The following MINAR1 variants were observed in gnomAD, a reference collection of about 807,000 sequenced individuals.
MINAR1 encodes membrane integral NOTCH2 associated receptor 1.
Under a neutral mutation model 65.1 loss-of-function variants are expected in MINAR1, and 40 were observed. The observed-to-expected ratio is 0.61, with a 90% CI of 0.48 to 0.80. MINAR1 has a LOEUF of 0.80. MINAR1 is among the 30% of genes least tolerant of loss of function. The pLI, the probability that MINAR1 is intolerant of heterozygous loss-of-function variation, is 0.00. For missense variants in MINAR1, 1,128 were observed against 1,148.0 expected (o/e 0.98, Z 0.25); for synonymous variants, 482 against 449.1 (o/e 1.07, Z -0.93).
intron 2 of MINAR1, 79 bp downstream of exon 2, chr15:79,458,524 G>C: frequency 6.6e-7 from 1 of 1,507,240 alleles, no homozygotes; most frequent in Non-Finnish European, 8.9e-7. Context: ...TGAACATGGC[G>C]TTAAACAGGC....
intron 3 of MINAR1, among the ~76,000 whole-genome samples, chr15:79,467,742 G>A (rs17180765): frequency 0.21 from 32,639 of 152,162 alleles, 3,976 homozygotes; most frequent in Middle Eastern, 0.33. Flanking sequence ...TTCTGAGAAA[G>A]AAGAACTGAC....
chr15:79,458,913 TATAAA>T (rs1895541469), intron 2 of MINAR1, among the ~76,000 whole-genome samples: 1 of 152,176 alleles, frequency 6.6e-6, no homozygotes, highest in Non-Finnish European at 1.5e-5. Flanking sequence ...TTTTTTTCAT[TATAAA>T]ATAAATTGAT....
At position 79,468,287 on chromosome 15, in the gene MINAR1, G is replaced by T; in HGVS notation, c.2654G>T (p.Arg885Ile). 1 of 1,614,118 alleles carries T rather than the reference G, an allele frequency of 6.2e-7. No homozygotes were observed. The highest frequency in any genetic ancestry group is 8.5e-7 in the Non-Finnish European group (1 of 1,180,012). ...SLLKRKEAEF[R>I]RAKVCKIAAL... ...CTAAAACGTAAAGAAGCCGAATTCA[G>T]ACGAGCCAAGGTCTGCAAGATAGCT... The change falls in exon 4 of 4, where the codon AGA (arginine) becomes ATA (isoleucine). Residue 885 changes from arginine to isoleucine, a missense_variant. Arg to Ile is a moderately conservative substitution (Grantham distance 97). Transcript: ENST00000305428.
intron 1 of MINAR1, among the ~76,000 whole-genome samples, chr15:79,452,300 C>A (rs752201273): frequency 6.6e-6 from 1 of 151,390 alleles, no homozygotes; most frequent in Non-Finnish European, 1.5e-5. Flanking sequence ...AGCTGGGAAG[C>A]TGTGCAAGTG....
rs1042252472 is a variant in MINAR1 at position 79,471,480 on chromosome 15, A to G, written c.*3096A>G. 7 of 152,640 alleles carry G rather than the reference A, an allele frequency of 4.6e-5. No homozygotes were observed. The allele number at this position is 152,640 out of a possible 1,614,324, so 9.5% of individuals were successfully genotyped here. A position where few individuals can be genotyped will look rare whatever the true frequency, so the allele number is the denominator to read the frequency against. On this transcript the variant is annotated 3_prime_UTR_variant, in exon 4 of 4. Transcript: ENST00000305428. ...TTTATACCAGTATCCCCTTCATTAC[A>G]GTAAACTAAATCATAACTTACATCA...
rs199540002 is a variant in MINAR1, at chr15:79,453,487, C to CA, written c.-50-2608dup. 7.0e-3 allele frequency among the ~76,000 whole-genome samples: 1,070 copies of CA among 152,306 alleles called. 21 individuals carry two copies. Among genetic ancestry groups the CA allele is most frequent in the African/African-American group, 0.025 (1,027 of 41,556 alleles). ...TGCCCTACACAGTTGTTTGTGTGGT[C>CA]AAATAAGGTAGACTGCTGAGGGCTT... On this transcript the variant is annotated intron_variant, in intron 1 of 3. Transcript: ENST00000305428.
chr15:79,471,528 T>TGGA lies in MINAR1; in HGVS notation c.*3144_*3145insGGA, dbSNP rs1410477127. The TGGA allele has an allele frequency of 1.3e-5, 2 of 152,530 alleles. No homozygotes were observed. Among genetic ancestry groups the TGGA allele is most frequent in the East Asian group, 3.9e-4 (2 of 5,188 alleles). 9.4% of individuals were successfully genotyped at this position (152,530 alleles called of 1,614,324 possible). A position where few individuals can be genotyped will look rare whatever the true frequency, so the allele number is the denominator to read the frequency against. ...TCATCCATTACTAGCTGATCATAAA[T>TGGA]TGTTAGTATTTTAAGGTATGCAACT... On this transcript the variant is annotated 3_prime_UTR_variant, in exon 4 of 4. Coordinates refer to ENST00000305428, the MANE Select transcript of MINAR1 (RefSeq NM_015206.3).
intron 2 of MINAR1, among the ~76,000 whole-genome samples, chr15:79,462,546 G>C (rs1322191594): frequency 6.6e-6 from 1 of 152,180 alleles, no homozygotes; most frequent in East Asian, 1.9e-4. Flanking sequence ...TTCTGACTCA[G>C]CTTCTTCCCT....
chr15:79,437,509 G>A (rs1894640026), intron 1 of MINAR1, among the ~76,000 whole-genome samples: 1 of 150,824 alleles, frequency 6.6e-6, no homozygotes, highest in Admixed American at 6.6e-5. Flanking sequence ...TAGGTTGTGA[G>A]TGGGTAGAGG....
In MINAR1 at chr15:79,457,302, T is replaced by C. The variant is rs769231383; in HGVS notation, c.1155T>C (p.Asn385=). 3.1e-6 allele frequency: 5 copies of C among 1,614,148 alleles called. No homozygotes were observed. The highest frequency in any genetic ancestry group is 1.7e-5 in the Admixed American group (1 of 60,020). ...CTGACTTTGAACGGTCCTTTTTCAATAGAAATCCCTCCGAGGAGAAGCTAC... is the reference window on the plus strand; with the variant it reads ...CTGACTTTGAACGGTCCTTTTTCAACAGAAATCCCTCCGAGGAGAAGCTAC... ...EVPDFERSFF[N]RNPSEEKLHY... The change falls in exon 2 of 4, where the codon AAT becomes AAC. Residue 385 remains asparagine (N), a synonymous_variant. Transcript: ENST00000305428.
chr15:79,437,348 T>C (rs1257057290), intron 1 of MINAR1, among the ~76,000 whole-genome samples: 1 of 150,896 alleles, frequency 6.6e-6, no homozygotes, highest in Non-Finnish European at 1.5e-5. Context: ...GAGTAGTGAT[T>C]GAGTGTGGGT....
chr15:79,462,220 T>A (rs6495406), intron 2 of MINAR1, among the ~76,000 whole-genome samples: 32,818 of 151,980 alleles, frequency 0.22, 4,119 homozygotes, highest in Middle Eastern at 0.32. Context: ...AAGGAACTCA[T>A]AGTTTAGCAG....
At chr15:79,431,203 G>A (rs915304406), upstream of MINAR1, among the ~76,000 whole-genome samples, 1 of 152,092 alleles carries the variant, frequency 6.6e-6, no homozygotes, top group Non-Finnish European at 1.5e-5. Flanking sequence ...GTGGGGGTGG[G>A]GGTGTTGCTT....
chr15:79,459,311 C>G (rs911246542), intron 2 of MINAR1, among the ~76,000 whole-genome samples: 1 of 152,196 alleles, frequency 6.6e-6, no homozygotes, highest in Non-Finnish European at 1.5e-5. Context: ...CACGTAAGCT[C>G]TGTGCTTTTG....
rs1210534837 is a variant in MINAR1, at chr15:79,468,238, T to C, written c.2605T>C (p.Tyr869His). The C allele has an allele frequency of 4.3e-6, 7 of 1,614,136 alleles. No homozygotes were observed. Among genetic ancestry groups the C allele is most frequent in the Non-Finnish European group, 5.9e-6 (7 of 1,180,008 alleles). The change falls in exon 4 of 4, where the codon TAT becomes CAT. Residue 869 changes from tyrosine (Y) to histidine (H), a missense_variant. Tyr to His is a moderately conservative substitution (Grantham distance 83, BLOSUM62 2). Transcript: ENST00000305428. The part of the protein sequence containing the change: ...NNLEYWMEDI[Y>H]TPGYDSLLKR... ...TTTAGAGTACTGGATGGAAGACATT[T>C]ATACTCCAGGATACGATTCATTACT...
chr15:79,430,420 G>A (rs1358595819), upstream of MINAR1, among the ~76,000 whole-genome samples: 2 of 152,174 alleles, frequency 1.3e-5, no homozygotes, highest in Non-Finnish European at 2.9e-5. Context: ...GTTCCATGTG[G>A]ATTCAACTGT....
rs374768047 is a variant in MINAR1, at chr15:79,454,206, TC to T, written c.-50-1891del. ...TTGTTCTGGGCAGGAACAGAACCTCTCAAGGGTTTGTTTCCTTTTCCTTGCA... is the reference window on the plus strand; with the variant it reads ...TTGTTCTGGGCAGGAACAGAACCTCTAAGGGTTTGTTTCCTTTTCCTTGCA... On this transcript the variant is annotated intron_variant, in intron 1 of 3. Coordinates refer to ENST00000305428, the MANE Select transcript of MINAR1 (RefSeq NM_015206.3). 6.5e-4 allele frequency among the ~76,000 whole-genome samples: 99 copies of T among 152,308 alleles called. No individual in the cohort carries two copies. The East Asian group carries it at 0.018, about 27-fold the overall frequency.
intron 1 of MINAR1, among the ~76,000 whole-genome samples, chr15:79,443,662 A>G (rs1894933297): frequency 6.6e-6 from 1 of 152,208 alleles, no homozygotes; most frequent in African/African-American, 2.4e-5. Flanking sequence ...CTTCAAATTT[A>G]TTGTAAGTAA....
rs1172947977 is a variant in MINAR1, at chr15:79,469,501, G to A, written c.*1117G>A. 2 of 152,356 alleles carry A rather than the reference G, an allele frequency of 1.3e-5. No individual in the cohort carries two copies. Among genetic ancestry groups the A allele is most frequent in the South Asian group, 2.1e-4 (1 of 4,812 alleles). 9.4% of individuals were successfully genotyped at this position (152,356 alleles called of 1,614,324 possible). A position where few individuals can be genotyped will look rare whatever the true frequency, so the allele number is the denominator to read the frequency against. Reference sequence around the variant, plus strand: ...CCAGAGTTTTGAATACTTGTCAGCAGTGCAAAAAATATTATCTGTTTAACC... The same window carrying A: ...CCAGAGTTTTGAATACTTGTCAGCAATGCAAAAAATATTATCTGTTTAACC... On this transcript the variant is annotated 3_prime_UTR_variant, in exon 4 of 4. Transcript: ENST00000305428.
Sources: allele counts gnomAD v4.1 joint callset (sites outside exome capture counted in the v4.1 genomes callset), GRCh38; gene constraint gnomAD v4.1.1; transcripts MANE v1.5; gene names NCBI Gene and HGNC (gene_info 2026-07-23, HGNC 2026-07-21).